Variants in ALDH1L1 observed in about 807,000 individuals in gnomAD.
ALDH1L1 encodes aldehyde dehydrogenase 1 family member L1.
A neutral mutation model predicts 101.1 loss-of-function variants in ALDH1L1; 68 were observed. That is an observed-to-expected ratio of 0.67 (90% CI 0.55 to 0.82). The LOEUF is 0.82. Among genes scored for constraint, ALDH1L1 ranks in the 40% least tolerant of loss-of-function variants. The probability of loss-of-function intolerance (pLI) is 0.00; values close to 1 mark genes in which losing one functional copy is unlikely to be tolerated. For synonymous variants in ALDH1L1, 486 were observed against 470.8 expected (o/e 1.03, Z -0.42); for missense variants, 1,087 against 1,172.7 (o/e 0.93, Z 1.07).
At chr3:126,150,618 G>C in intron 7 of ALDH1L1, 87 bp from the exon 8 acceptor site, 1 of 1,434,366 alleles carries the variant, frequency 7.0e-7, no homozygotes, top group Non-Finnish European at 9.3e-7. Flanking sequence ...GCAGTGGTGC[G>C]ATCTCGGCTC....
intron 12 of ALDH1L1, chr3:126,135,324 C>T (rs2080408685): frequency 1.9e-6 from 1 of 535,608 alleles, no homozygotes; most frequent in East Asian, 4.3e-5. Flanking sequence ...GCTGAAATGT[C>T]TCCTGTTTCT....
intron 12 of ALDH1L1, 96 bp from the exon 13 acceptor site, chr3:126,131,630 C>T (rs2080310120): frequency 7.2e-7 from 1 of 1,390,076 alleles, no homozygotes; most frequent in Admixed American, 2.3e-5. Flanking sequence ...GGGTCCTGCC[C>T]TCTACCCCAG....
At chr3:126,109,848 C>A in intron 20 of ALDH1L1, 96 bp downstream of exon 20, 1 of 1,526,504 alleles carries the variant, frequency 6.6e-7, no homozygotes, top group South Asian at 1.2e-5. Flanking sequence ...AGGTACCTGG[C>A]CTTCAGATGT....
chr3:126,127,455 T>C (rs944855287), intron 14 of ALDH1L1, among the ~76,000 whole-genome samples: 2 of 152,124 alleles, frequency 1.3e-5, no homozygotes, highest in African/African-American at 4.8e-5. Flanking sequence ...CCCCCTCCTC[T>C]GCCCTCTGAC....
intron 1 of ALDH1L1, among the ~76,000 whole-genome samples, chr3:126,163,612 T>C (rs2081106560): frequency 6.6e-6 from 1 of 152,228 alleles, no homozygotes; most frequent in African/African-American, 2.4e-5. Context: ...TATTAATATA[T>C]TTCTGGCTGC....
intron 2 of ALDH1L1, among the ~76,000 whole-genome samples, chr3:126,159,979 C>T (rs538488158): frequency 1.8e-4 from 28 of 152,272 alleles, no homozygotes; most frequent in African/African-American, 6.5e-4. Flanking sequence ...ATCCTTAAGC[C>T]CTGCCCCACA....
At chr3:126,184,550 C>T (rs879264025), upstream of ALDH1L1, among the ~76,000 whole-genome samples, 9 of 152,202 alleles carry the variant, frequency 5.9e-5, no homozygotes, top group Non-Finnish European at 1.2e-4. Flanking sequence ...GCAGAGAGAG[C>T]CTCTGCCCGG....
At chr3:126,107,802 C>T (rs547072112) in intron 20 of ALDH1L1, 1 of 154,738 alleles carries the variant, frequency 6.5e-6, no homozygotes, top group African/African-American at 2.4e-5. Context: ...ACTCCCAACC[C>T]TGGATGCAGC....
Position 126,146,925 on chromosome 3 carries a change from C to T in ALDH1L1, c.986G>A (p.Ser329Asn), listed in dbSNP as rs1258273780. The T allele has an allele frequency of 1.9e-6, 3 of 1,613,312 alleles. No individual in the cohort carries two copies. Among genetic ancestry groups the T allele is most frequent in the Admixed American group, 1.7e-5 (1 of 59,944 alleles). Residue 329 changes from serine to asparagine, a missense_variant and splice_region_variant, in exon 9 of 23, where the codon AGT becomes AAT. This residue lies in a region of ALDH1L1 where 645 missense variants were observed against 637.0 expected (regional missense o/e 1.01). Transcript: ENST00000393434. ...AELVTAEAVR[S>N]VWQRILPKVL... ...TTTGGGGAGGATCCGCTGCCAAACA[C>T]TCTGCAAAGCAAGACCTGATGAGAG...
intron 1 of ALDH1L1, chr3:126,179,763 TAAA>T: frequency 6.6e-6 from 1 of 152,214 alleles, no homozygotes. Flanking sequence ...GACTCCTGAT[TAAA>T]TTCCGTCTCT....
chr3:126,118,136 C>CAGCACCAGGGGGA, intron 16 of ALDH1L1, 38 bp from the exon 17 acceptor site: 1 of 1,568,780 alleles, frequency 6.4e-7, no homozygotes, highest in Non-Finnish European at 8.7e-7. Context: ...GAGTGGTCCC[C>CAGCACCAGGGGGA]CTGGTGCTGG....
At chr3:126,164,467 G>A (rs892173649) in intron 1 of ALDH1L1, among the ~76,000 whole-genome samples, 2 of 152,202 alleles carry the variant, frequency 1.3e-5, no homozygotes, top group African/African-American at 4.8e-5. Context: ...AAGTGAGAAC[G>A]TGCAGTATCT....
chr3:126,164,891 G>A (rs1436604065), intron 1 of ALDH1L1, among the ~76,000 whole-genome samples: 1 of 152,118 alleles, frequency 6.6e-6, no homozygotes, highest in Non-Finnish European at 1.5e-5. Flanking sequence ...CACTGTTATT[G>A]ACTTTTTAGT....
intron 12 of ALDH1L1, among the ~76,000 whole-genome samples, chr3:126,133,078 T>A (rs992903461): frequency 2.0e-5 from 3 of 152,228 alleles, no homozygotes; most frequent in Non-Finnish European, 2.9e-5. Flanking sequence ...CTTTGTTATA[T>A]AAATGAGACC....
chr3:126,105,760 T>C lies in ALDH1L1; in HGVS notation c.2619A>G (p.Gly873=). The change falls in exon 22 of 23, where the codon GGA becomes GGG. Residue 873 remains glycine (G), a synonymous_variant. Transcript: ENST00000393434. The part of the protein sequence containing the change: ...YNKTDVAAPF[G]GFKQSGFGKD... ...TGCCAAATCCAGACTGTTTGAATCC[T>C]CCGAAGGGAGCGGCCACGTCGGTCT... The C allele has an allele frequency of 6.2e-7, 1 of 1,614,224 alleles. No individual in the cohort carries two copies. The highest frequency in any genetic ancestry group is 8.5e-7 in the Non-Finnish European group (1 of 1,180,046).
At chr3:126,172,266 T>G (rs1169502587) in intron 1 of ALDH1L1, among the ~76,000 whole-genome samples, 1 of 152,218 alleles carries the variant, frequency 6.6e-6, no homozygotes, top group African/African-American at 2.4e-5. Context: ...GAAGCAATGT[T>G]GGAATTTTCA....
intron 3 of ALDH1L1, among the ~76,000 whole-genome samples, chr3:126,158,041 C>T (rs557518218): frequency 3.3e-5 from 5 of 152,200 alleles, no homozygotes; most frequent in South Asian, 2.1e-4. Flanking sequence ...GAGTAGGACC[C>T]CCAGCCCACC....
At chr3:126,190,814 G>A (rs1271006779) in intron 1 of ALDH1L1, among the ~76,000 whole-genome samples, 2 of 152,156 alleles carry the variant, frequency 1.3e-5, no homozygotes, top group African/African-American at 4.8e-5. Context: ...AGCCCCCTTT[G>A]TTTCCATAAC....
intron 12 of ALDH1L1, 114 bp from the exon 13 acceptor site, chr3:126,131,648 ACT>A: frequency 8.0e-7 from 1 of 1,244,736 alleles, no homozygotes; most frequent in Non-Finnish European, 1.1e-6. Flanking sequence ...CAGTTCTGCC[ACT>A]CTCAGATGTG....
Sources: allele counts gnomAD v4.1 joint callset (sites outside exome capture counted in the v4.1 genomes callset), GRCh38; gene constraint gnomAD v4.1.1; regional missense constraint gnomAD v4.1.1; transcripts MANE v1.5; gene names NCBI Gene and HGNC (gene_info 2026-07-23, HGNC 2026-07-21).